Variants in FTO observed in about 807,000 individuals in gnomAD.
The protein encoded by FTO is FTO alpha-ketoglutarate dependent dioxygenase, also known as alpha-ketoglutarate-dependent dioxygenase FTO.
FTO carries 47 observed loss-of-function variants against 63.9 expected under a neutral mutation model. That is an observed-to-expected ratio of 0.74 (90% CI 0.58 to 0.94). The LOEUF is 0.94. Among genes scored for constraint, FTO ranks in the 40% least tolerant of loss-of-function variants. The pLI is 0.00. For missense variants in FTO, 562 were observed against 618.1 expected (o/e 0.91, Z 0.96); for synonymous variants, 207 against 224.4 (o/e 0.92, Z 0.69).
intron 8 of FTO, among the ~76,000 whole-genome samples, chr16:54,051,117 C>A (rs1205888697): frequency 6.6e-6 from 1 of 152,212 alleles, no homozygotes; most frequent in African/African-American, 2.4e-5. Context: ...AAAGAGTACT[C>A]TTCTCAAGAA....
chr16:54,053,789 C>CA (rs2085366113), intron 8 of FTO, among the ~76,000 whole-genome samples: 1 of 151,844 alleles, frequency 6.6e-6, no homozygotes, highest in South Asian at 2.1e-4. Context: ...AAACAGTCTA[C>CA]AAAAAAAGCA....
chr16:54,091,058 T>C (rs1196100599), intron 8 of FTO, among the ~76,000 whole-genome samples: 1 of 152,122 alleles, frequency 6.6e-6, no homozygotes, highest in African/African-American at 2.4e-5. Flanking sequence ...CCGTGATCTG[T>C]TGTTGAAAGC....
In FTO at chr16:53,919,132, A is replaced by C. The variant is rs562141862; in HGVS notation, c.1240-14853A>C. Among the ~76,000 whole-genome samples, 189 of 152,332 alleles carry C rather than the reference A, an allele frequency of 1.2e-3. 1 individual carries two copies. Among genetic ancestry groups the C allele is most frequent in the African/African-American group, 4.3e-3 (177 of 41,572 alleles). ...GCTTACTAATGATATAAAATTTGAC[A>C]AATTACTTAACCTTTCTGAGTCTCA... On this transcript the variant is annotated intron_variant, in intron 7 of 8. Transcript: ENST00000471389.
At chr16:54,024,069 A>G (rs1248105826) in intron 8 of FTO, among the ~76,000 whole-genome samples, 3 of 152,030 alleles carry the variant, frequency 2.0e-5, no homozygotes, top group African/African-American at 7.2e-5. Context: ...TAGTTATGCT[A>G]TTAGGAATAA....
At chr16:54,062,157 T>C (rs1415878839) in intron 8 of FTO, among the ~76,000 whole-genome samples, 1 of 152,224 alleles carries the variant, frequency 6.6e-6, no homozygotes, top group African/African-American at 2.4e-5. Flanking sequence ...TGAGATGTTA[T>C]TTTTGAAGCA....
rs148115267 is a variant in FTO, at chr16:54,063,160, T to C, written c.1365-48602T>C. ...ATTTGGTTTAGAAGGCTGTGCTTAC[T>C]TTCCGTTTTCCCCGGAATTTTTCTG... On this transcript the variant is annotated intron_variant, in intron 8 of 8. Transcript: ENST00000471389. Among the ~76,000 whole-genome samples the C allele has an allele frequency of 4.6e-3, 701 of 152,310 alleles. 10 individuals carry two copies. Among genetic ancestry groups the C allele is most frequent in the African/African-American group, 0.016 (669 of 41,562 alleles).
In FTO at chr16:54,116,382, C is replaced by T. The variant is rs550943168; in HGVS notation, c.*4467C>T. 1 of 152,292 alleles carries T rather than the reference C, an allele frequency of 6.6e-6. No individual in the cohort carries two copies. Among genetic ancestry groups the T allele is most frequent in the South Asian group, 2.1e-4 (1 of 4,820 alleles). The allele number at this position is 152,292 out of a possible 1,614,324, so 9.4% of individuals were successfully genotyped here. On this transcript the variant is annotated 3_prime_UTR_variant, in exon 9 of 9. Transcript: ENST00000471389. The stretch of plus-strand genomic sequence containing the variant: ...TCTGGTTTGAAAAGGCAATTCTCAT[C>T]CAGACAGATTCAGATGGAGAGGAGC...
intron 4 of FTO, among the ~76,000 whole-genome samples, chr16:53,856,944 A>G (rs948194649): frequency 6.6e-6 from 1 of 152,082 alleles, no homozygotes; most frequent in Non-Finnish European, 1.5e-5. Flanking sequence ...TCATCTAGGT[A>G]TGTGTATAGC....
At chr16:53,942,019 AGTGTTTAT>A (rs1184093174) in intron 8 of FTO, among the ~76,000 whole-genome samples, 5 of 152,296 alleles carry the variant, frequency 3.3e-5, no homozygotes, top group African/African-American at 9.6e-5. Flanking sequence ...AATCTATTCC[AGTGTTTAT>A]AAGTACTTTG....
chr16:53,759,343 T>G (rs2076994264), intron 1 of FTO, among the ~76,000 whole-genome samples: 1 of 152,160 alleles, frequency 6.6e-6, no homozygotes, highest in Non-Finnish European at 1.5e-5. Flanking sequence ...GGTCCAGTAT[T>G]TAACTCTGGG....
intron 2 of FTO, among the ~76,000 whole-genome samples, chr16:53,812,972 G>A (rs2078573799): frequency 6.6e-6 from 1 of 152,150 alleles, no homozygotes; most frequent in African/African-American, 2.4e-5. Flanking sequence ...ATGATTACAT[G>A]CATTGTCACA....
chr16:53,900,608 CTTTTTTT>C (rs752080961), intron 7 of FTO, among the ~76,000 whole-genome samples: 2 of 67,160 alleles, frequency 3.0e-5, no homozygotes, highest in African/African-American at 6.5e-5. Context: ...TCATCTGCTC[CTTTTTTT>C]TTTTTTTTTT....
At chr16:53,780,000 C>G (rs2077548635) in intron 1 of FTO, among the ~76,000 whole-genome samples, 2 of 152,200 alleles carry the variant, frequency 1.3e-5, no homozygotes, top group African/African-American at 4.8e-5. Context: ...ACAGTCTTCT[C>G]CCTCTCATAA....
chr16:53,929,198 G>A (rs921156943), intron 7 of FTO, among the ~76,000 whole-genome samples: 1 of 152,118 alleles, frequency 6.6e-6, no homozygotes, highest in Admixed American at 6.5e-5. Flanking sequence ...GTACAGAATG[G>A]TTCCATCATG....
chr16:53,973,871 A>G (rs2083382928), intron 8 of FTO, among the ~76,000 whole-genome samples: 1 of 152,204 alleles, frequency 6.6e-6, no homozygotes, highest in African/African-American at 2.4e-5. Context: ...CGTATGTAAA[A>G]TAAGTGTAAA....
intron 8 of FTO, among the ~76,000 whole-genome samples, chr16:54,002,418 T>C (rs2084089613): frequency 6.6e-6 from 1 of 152,240 alleles, no homozygotes; most frequent in South Asian, 2.1e-4. Flanking sequence ...CCTGATACTT[T>C]CATGCTTGGC....
At chr16:54,011,562 T>C (rs1198847156) in intron 8 of FTO, among the ~76,000 whole-genome samples, 1 of 147,254 alleles carries the variant, frequency 6.8e-6, no homozygotes, top group Non-Finnish European at 1.5e-5. Context: ...ATGGTATGTC[T>C]TTACAAACTG....
intron 7 of FTO, among the ~76,000 whole-genome samples, chr16:53,906,087 T>G (rs2081530692): frequency 6.6e-6 from 1 of 152,220 alleles, no homozygotes; most frequent in Admixed American, 6.5e-5. Context: ...TCATGCAACT[T>G]TTTAAAGACA....
intron 1 of FTO, among the ~76,000 whole-genome samples, chr16:53,809,284 G>A (rs2078455712): frequency 6.6e-6 from 1 of 152,184 alleles, no homozygotes; most frequent in African/African-American, 2.4e-5. Flanking sequence ...ATTAATTATT[G>A]TAGAGATGAT....
Sources: gnomAD v4.1 joint callset for allele counts (sites outside exome capture counted in the v4.1 genomes callset) on GRCh38, gnomAD v4.1.1 for gene constraint, MANE v1.5 for transcripts, NCBI Gene and HGNC (gene_info 2026-07-23, HGNC 2026-07-21) for gene names.